DMKN: variants seen among roughly 807,000 people sequenced by gnomAD.
DMKN encodes epidermis-specific secreted protein SK30/SK89.
In DMKN, 58 loss-of-function variants were observed where a neutral mutation model predicts 67.6. The ratio of observed to expected loss-of-function variants is 0.86; its 90% CI spans 0.69 to 1.07. The LOEUF (loss-of-function observed/expected upper bound fraction) is 1.07, where lower values mean the gene tolerates loss of function less well. DMKN is among the 50% of genes least tolerant of loss of function. The pLI is 0.00. For missense variants in DMKN, 596 were observed against 601.5 expected (o/e 0.99, Z 0.10); for synonymous variants, 240 against 232.3 (o/e 1.03, Z -0.30).
At chr19:35,510,457 C>A in intron 5 of DMKN, 3 of 1,552,008 alleles carry the variant, frequency 1.9e-6, no homozygotes, top group South Asian at 2.4e-5. Context: ...CGAGGGTATT[C>A]GGAACTACGC....
Position 35,513,572 on chromosome 19 carries a change from C to A in DMKN, c.-97G>T. On this transcript the variant is annotated 5_prime_UTR_variant, in exon 1 of 16. Transcript: ENST00000339686. ...GCGTCTCTGTGCCCTCCTCTGTCCT[C>A]CTCCTTCCGACTCCCTGTCCTCCCT... is the stretch of plus-strand genomic sequence containing the variant. 1 of 1,431,638 alleles carries A rather than the reference C, an allele frequency of 7.0e-7. No homozygotes were observed. Among genetic ancestry groups the A allele is most frequent in the Non-Finnish European group, 9.2e-7 (1 of 1,083,824 alleles). The allele number at this position is 1,431,638 out of a possible 1,614,324, so 88.7% of individuals were successfully genotyped here.
At chr19:35,498,193 C>T (rs1167488149) in intron 15 of DMKN, 6 of 160,264 alleles carry the variant, frequency 3.7e-5, no homozygotes, top group Admixed American at 1.2e-4. Flanking sequence ...TGGAGTGCAG[C>T]GGTGCAATCG....
At position 35,513,443 on chromosome 19, in the gene DMKN, C is replaced by CG; in HGVS notation, c.32_33insC (p.Leu12AlafsTer55). The CG allele has an allele frequency of 6.2e-7, 1 of 1,601,416 alleles. No individual in the cohort carries two copies. The highest frequency in any genetic ancestry group is 8.5e-7 in the Non-Finnish European group (1 of 1,179,806). On this transcript the variant is annotated frameshift_variant, in exon 1 of 16. Coordinates refer to ENST00000339686, the MANE Select transcript of DMKN (RefSeq NM_033317.5). LOFTEE classifies it high-confidence loss of function. ...CCCCACTGCCCAGGCAGAGGGCCAG[C>CG]AGGAGGCAGGCCAGGGGCCCCTGGA... is the stretch of plus-strand genomic sequence containing the variant.
chr19:35,513,556 T>G lies in DMKN; in HGVS notation c.-81A>C, dbSNP rs2071129222. On this transcript the variant is annotated 5_prime_UTR_variant, in exon 1 of 16. Transcript: ENST00000339686. ...TTGCCGCCCTTGCTCTGCGTCTCTG[T>G]GCCCTCCTCTGTCCTCCTCCTTCCG... The G allele has an allele frequency of 8.1e-6, 12 of 1,488,712 alleles. No homozygotes were observed. Among genetic ancestry groups the G allele is most frequent in the Admixed American group, 2.2e-5 (1 of 45,724 alleles). 92.2% of individuals were successfully genotyped at this position (1,488,712 alleles called of 1,614,324 possible).
Position 35,513,512 on chromosome 19 carries a change from T to G in DMKN, c.-37A>C, listed in dbSNP as rs759951117. On this transcript the variant is annotated 5_prime_UTR_variant, in exon 1 of 16. Coordinates refer to ENST00000339686, the MANE Select transcript of DMKN (RefSeq NM_033317.5). Reference sequence around the variant, plus strand: ...CCCCTCTCTCTCCAGAGTGTCTTCCTCCCACCAGGGTCTCCTCCTTGCCGC... The same window carrying G: ...CCCCTCTCTCTCCAGAGTGTCTTCCGCCCACCAGGGTCTCCTCCTTGCCGC... The G allele has an allele frequency of 1.3e-6, 2 of 1,568,178 alleles. No individual in the cohort carries two copies. Among genetic ancestry groups the G allele is most frequent in the South Asian group, 1.2e-5 (1 of 86,096 alleles).
chr19:35,498,664 CTG>C, intron 15 of DMKN, 50 bp downstream of exon 15: 2 of 1,611,680 alleles, frequency 1.2e-6, no homozygotes, highest in Non-Finnish European at 8.5e-7. Context: ...CCCCGGGTGA[CTG>C]TGCCTCCACT....
chr19:35,510,937 C>A (rs998536573), intron 5 of DMKN, among the ~76,000 whole-genome samples: 1 of 152,144 alleles, frequency 6.6e-6, no homozygotes, highest in African/African-American at 2.4e-5. Context: ...TGCCCTCACA[C>A]CCATCGTGCA....
In DMKN at chr19:35,500,007, G is replaced by C; in HGVS notation, c.1310C>G (p.Ala437Gly). Residue 437 changes from alanine to glycine, a missense_variant, in exon 13 of 16, where the codon GCG (alanine) becomes GGG (glycine). By Grantham distance (60) the Ala-to-Gly change is moderately conservative (BLOSUM62 0). Transcript: ENST00000339686. The stretch of plus-strand genomic sequence containing the variant: ...CTTCCCACCATAGGCAGTGGGATAC[G>C]CATGCTGGTTGTAATTGTAGTTCTG... ...DDQNYNYNQH[A>G]YPTAYGGKYS... 1 of 1,614,216 alleles carries C rather than the reference G, an allele frequency of 6.2e-7. No individual in the cohort carries two copies. Among genetic ancestry groups the C allele is most frequent in the Non-Finnish European group, 8.5e-7 (1 of 1,180,048 alleles).
intron 9 of DMKN, 123 bp from the exon 10 acceptor site, chr19:35,503,009 G>A: frequency 3.4e-6 from 4 of 1,167,658 alleles, no homozygotes; most frequent in Non-Finnish European, 4.8e-6. Flanking sequence ...GGGATGGGAG[G>A]AGCTGAGAGT....
intron 11 of DMKN, 102 bp from the exon 12 acceptor site, chr19:35,500,682 G>A: frequency 1.5e-6 from 2 of 1,335,506 alleles, no homozygotes; most frequent in Non-Finnish European, 2.0e-6. Context: ...CTTTCCACGT[G>A]CTACCTATAG....
Position 35,513,377 on chromosome 19 carries a change from T to C in DMKN, c.99A>G (p.Thr33=), listed in dbSNP as rs772102924. The C allele has an allele frequency of 1.2e-6, 2 of 1,612,404 alleles. No homozygotes were observed. The highest frequency in any genetic ancestry group is 2.2e-5 in the South Asian group (2 of 91,080). Residue 33 remains threonine (T), a synonymous_variant, in exon 1 of 16, where the codon ACA becomes ACG. Coordinates refer to ENST00000339686, the MANE Select transcript of DMKN (RefSeq NM_033317.5). ...PLQSGEESTG[T]NIGEALGHGL... ...CATGTCCAAGGGCCTCCCCAATATT[T>C]GTCCCAGTGCTTTCCTCTCCGCTCT...
chr19:35,511,444 G>T lies in DMKN; in HGVS notation c.885C>A (p.Gly295=). 1 of 1,589,130 alleles carries T rather than the reference G, an allele frequency of 6.3e-7. No homozygotes were observed. ...ACTCACTGCCGCTGTCACCTCTGCT[G>T]CCACCACTGTTGCCACTGCTGCCAC... The part of the protein sequence containing the change: ...SSGGSSGNSG[G]SRGDSGSESS... Residue 295 remains glycine, a synonymous_variant, in exon 5 of 16, where the codon GGC becomes GGA. Coordinates refer to ENST00000339686, the MANE Select transcript of DMKN (RefSeq NM_033317.5).
At chr19:35,503,489 T>A (rs1266842351) in intron 9 of DMKN, 39 of 1,541,294 alleles carry the variant, frequency 2.5e-5, no homozygotes, top group Non-Finnish European at 3.1e-5. Flanking sequence ...TTTTTTTTTT[T>A]TTTTGAGATG....
rs2069409831 is a variant in DMKN, at chr19:35,505,930, A to G, written c.1086+9T>C. 6.2e-7 allele frequency: 1 copy of G among 1,614,150 alleles called. No homozygotes were observed. Among genetic ancestry groups the G allele is most frequent in the Non-Finnish European group, 8.5e-7 (1 of 1,180,064 alleles). On this transcript the variant is annotated intron_variant, in intron 8 of 15. Coordinates refer to ENST00000339686, the MANE Select transcript of DMKN (RefSeq NM_033317.5). ...ATGCGAGTGAACAGAGCCATCTCGC[A>G]GAACTCACCTTCCAGAAAGTGTCAA...
At chr19:35,510,406 T>C in intron 5 of DMKN, 154 bp from the exon 6 acceptor site, 1 of 1,552,392 alleles carries the variant, frequency 6.4e-7, no homozygotes, top group Middle Eastern at 1.7e-4. Context: ...TGTTGGTCGC[T>C]GCAGGAAGTT....
At chr19:35,506,491 G>A (rs1056803645) in intron 7 of DMKN, 15 of 547,114 alleles carry the variant, frequency 2.7e-5, no homozygotes, top group Middle Eastern at 2.8e-4. Context: ...GTAGTCCCAC[G>A]GCACGCCAAG....
chr19:35,512,406 G>A lies in DMKN; in HGVS notation c.684+15C>T, dbSNP rs1261788139. The A allele has an allele frequency of 1.2e-6, 2 of 1,613,666 alleles. No individual in the cohort carries two copies. The highest frequency in any genetic ancestry group is 1.7e-5 in the Admixed American group (1 of 59,960). ...CCAGTGGCTTCTTCATTTGTTCCCA[G>A]CCCCTTCCTCTTACCCCTTCATTCT... On this transcript the variant is annotated intron_variant, in intron 3 of 15. Transcript: ENST00000339686.
At position 35,505,890 on chromosome 19, in the gene DMKN, G is replaced by A. The variant is rs376119468; in HGVS notation, c.1086+49C>T. 1.2e-5 allele frequency: 20 copies of A among 1,613,936 alleles called. No individual in the cohort carries two copies. In the African/African-American group the frequency reaches 2.1e-4, roughly 17 times the overall value. ...CCCCAGACTGTGGGGCCAAGGGCAG[G>A]GGTTGGTTTTCCAAATGCGAGTGAA... On this transcript the variant is annotated intron_variant, in intron 8 of 15. Transcript: ENST00000339686.
At chr19:35,508,423 G>A in intron 7 of DMKN, 1 of 618,846 alleles carries the variant, frequency 1.6e-6, no homozygotes, top group Non-Finnish European at 2.7e-6. Flanking sequence ...GAAAACACTG[G>A]AAAAGATAAA....
Sources: allele counts gnomAD v4.1 joint callset (sites outside exome capture counted in the v4.1 genomes callset), GRCh38; gene constraint gnomAD v4.1.1; transcripts MANE v1.5; gene names NCBI Gene and HGNC (gene_info 2026-07-23, HGNC 2026-07-21).